The following NAV2 variants were observed in gnomAD, a reference collection of about 807,000 sequenced individuals.
NAV2 encodes neuron navigator 2.
In NAV2, 54 loss-of-function variants were observed where a neutral mutation model predicts 223.2. The ratio of observed to expected loss-of-function variants is 0.24; its 90% CI spans 0.19 to 0.30. The LOEUF (loss-of-function observed/expected upper bound fraction) is 0.30. NAV2 is among the 10% of genes least tolerant of loss of function. The probability of loss-of-function intolerance (pLI) is 1.00; values close to 1 mark genes in which losing one functional copy is unlikely to be tolerated. For synonymous variants in NAV2, 1,279 were observed against 1,239.3 expected (o/e 1.03, Z -0.67); for missense variants, 2,806 against 3,147.5 (o/e 0.89, Z 2.60).
intron 1 of NAV2, among the ~76,000 whole-genome samples, chr11:19,460,274 T>C (rs1852108858): frequency 6.6e-6 from 1 of 152,238 alleles, no homozygotes; most frequent in Non-Finnish European, 1.5e-5. Context: ...AATGTGGGGT[T>C]GGGCTTTGAA....
At chr11:20,094,590 T>A (rs530813362) in intron 29 of NAV2, among the ~76,000 whole-genome samples, 1 of 152,288 alleles carries the variant, frequency 6.6e-6, no homozygotes, top group East Asian at 1.9e-4. Flanking sequence ...CTAGTGATTG[T>A]CAATATGAAC....
rs544027207 is a variant in NAV2, at chr11:19,716,192, T to G, written c.267+2230T>G. 2.6e-5 allele frequency among the ~76,000 whole-genome samples: 4 copies of G among 152,312 alleles called. No homozygotes were observed. The East Asian group carries it at 7.7e-4, about 29-fold the overall frequency. Reference sequence around the variant, plus strand: ...AATGAATTAAATGGCAAATGCTCTCTTGGGGCCCCTGACTCCCCTTTTATT... The same window carrying G: ...AATGAATTAAATGGCAAATGCTCTCGTGGGGCCCCTGACTCCCCTTTTATT... On this transcript the variant is annotated intron_variant, in intron 1 of 37. Coordinates refer to ENST00000349880, the MANE Select transcript of NAV2 (RefSeq NM_145117.5).
chr11:19,815,565 A>G (rs1313554351), intron 1 of NAV2, among the ~76,000 whole-genome samples: 1 of 152,238 alleles, frequency 6.6e-6, no homozygotes, highest in Non-Finnish European at 1.5e-5. Context: ...TCAAATTCCC[A>G]TCTTCATAGG....
intron 11 of NAV2, among the ~76,000 whole-genome samples, chr11:20,001,284 C>A (rs913687619): frequency 8.5e-5 from 13 of 152,166 alleles, no homozygotes; most frequent in African/African-American, 3.1e-4. Flanking sequence ...CCTCAGGGCT[C>A]CCAAAGGACC....
chr11:19,929,252 C>CAAAAAAAG (rs1427499578), intron 6 of NAV2, among the ~76,000 whole-genome samples: 1 of 150,870 alleles, frequency 6.6e-6, no homozygotes, highest in Non-Finnish European at 1.5e-5. Flanking sequence ...GATTCCATCT[C>CAAAAAAAG]AAAAAAAGAA....
At chr11:19,516,526 A>T (rs1021610428) in intron 1 of NAV2, among the ~76,000 whole-genome samples, 7 of 152,220 alleles carry the variant, frequency 4.6e-5, no homozygotes, top group Admixed American at 1.3e-4. Flanking sequence ...ACCACAACTC[A>T]TCTCTTTGTT....
At chr11:19,790,981 G>A (rs2057478188) in intron 1 of NAV2, among the ~76,000 whole-genome samples, 1 of 151,566 alleles carries the variant, frequency 6.6e-6, no homozygotes, top group East Asian at 1.9e-4. Context: ...CACACATTAT[G>A]TAATTTGTCT....
intron 6 of NAV2, among the ~76,000 whole-genome samples, chr11:19,901,218 C>G (rs1438416817): frequency 6.6e-6 from 1 of 152,152 alleles, no homozygotes; most frequent in Admixed American, 6.5e-5. Context: ...CTTGAGAACC[C>G]TAGTTTTAGC....
intron 37 of NAV2, among the ~76,000 whole-genome samples, 169 bp from the exon 38 acceptor site, chr11:20,117,964 G>A (rs1241054340): frequency 2.6e-5 from 4 of 152,174 alleles, no homozygotes; most frequent in Admixed American, 2.6e-4. Context: ...TGGTGAAGCT[G>A]GGATTTGAAC....
At chr11:19,382,114 A>G (rs1848859832) in intron 1 of NAV2, among the ~76,000 whole-genome samples, 1 of 152,180 alleles carries the variant, frequency 6.6e-6, no homozygotes, top group Admixed American at 6.5e-5. Flanking sequence ...TGTCTGCAGG[A>G]TGAATATTTC....
At chr11:19,507,015 C>G (rs2043142770) in intron 1 of NAV2, 1 of 152,280 alleles carries the variant, frequency 6.6e-6, no homozygotes, top group South Asian at 2.1e-4. Flanking sequence ...TGCCAGAGTG[C>G]AGTATTTGGC....
At position 20,051,338 on chromosome 11, in the gene NAV2, C is replaced by T. The variant is rs760320445; in HGVS notation, c.4481+5C>T. ...TTTGCCTAAGAAAGGACTCAGGTAT[C>T]TGTGTTTCCTCCTTGCATCTGTGCC... On this transcript the variant is annotated splice_donor_5th_base_variant and intron_variant, in intron 17 of 37. Transcript: ENST00000349880. The T allele has an allele frequency of 5.0e-6, 8 of 1,613,744 alleles. 1 individual carries two copies. The South Asian group carries it at 8.8e-5, about 18-fold the overall frequency.
rs180730998 is a variant in NAV2, at chr11:19,446,761, G to A, written c.75+95734G>A. Among the ~76,000 whole-genome samples, 101 of 152,280 alleles carry A rather than the reference G, an allele frequency of 6.6e-4. 1 individual carries two copies. Among genetic ancestry groups the A allele is most frequent in the African/African-American group, 2.2e-3 (91 of 41,560 alleles). On this transcript the variant is annotated intron_variant, in intron 1 of 37. Transcript: ENST00000360655. ...GTGGGAGCCAGAGCCTGGTGGGGAG[G>A]GAGAACCAGGTCATTGTAAAGGCCA...
chr11:19,910,024 G>A (rs1259609308), intron 6 of NAV2, among the ~76,000 whole-genome samples: 2 of 152,132 alleles, frequency 1.3e-5, no homozygotes, highest in Non-Finnish European at 1.5e-5. Flanking sequence ...TGGGGTGATT[G>A]AGTTATTATG....
intron 1 of NAV2, among the ~76,000 whole-genome samples, chr11:19,575,785 C>G (rs35906531): frequency 4.6e-5 from 7 of 152,188 alleles, no homozygotes; most frequent in African/African-American, 7.2e-5. Flanking sequence ...AGCTACAGGA[C>G]CTAGCATGAG....
intron 1 of NAV2, among the ~76,000 whole-genome samples, chr11:19,631,602 C>A (rs972708996): frequency 2.0e-5 from 3 of 152,194 alleles, no homozygotes; most frequent in Admixed American, 6.5e-5. Context: ...CCTCTACTTT[C>A]TCATCTAGCT....
chr11:20,008,493 A>T (rs760414410), intron 11 of NAV2, among the ~76,000 whole-genome samples: 1 of 152,214 alleles, frequency 6.6e-6, no homozygotes, highest in South Asian at 2.1e-4. Flanking sequence ...CTTAACAGCC[A>T]AACAGAGACT....
chr11:19,781,564 A>G (rs921345975), intron 1 of NAV2, among the ~76,000 whole-genome samples: 15 of 152,108 alleles, frequency 9.9e-5, no homozygotes, highest in African/African-American at 3.4e-4. Context: ...CTTTCCCCAG[A>G]GAGGCATTGG....
chr11:19,617,396 A>G (rs1446954757), intron 1 of NAV2, among the ~76,000 whole-genome samples: 2 of 152,172 alleles, frequency 1.3e-5, no homozygotes, highest in African/African-American at 2.4e-5. Context: ...GCCAGTAATC[A>G]GCCCTCTGTG....
Sources: allele counts gnomAD v4.1 joint callset (sites outside exome capture counted in the v4.1 genomes callset), GRCh38; gene constraint gnomAD v4.1.1; transcripts MANE v1.5; gene names NCBI Gene and HGNC (gene_info 2026-07-23, HGNC 2026-07-21).